Variants in SPTLC3 observed in about 807,000 individuals in gnomAD.
SPTLC3 encodes serine palmitoyltransferase 3.
A neutral mutation model predicts 59.3 loss-of-function variants in SPTLC3; 36 were observed. The observed-to-expected ratio is 0.61, with a 90% confidence interval of 0.47 to 0.80. The LOEUF (loss-of-function observed/expected upper bound fraction) is 0.80. SPTLC3 is among the 30% of genes least tolerant of loss of function. The probability of loss-of-function intolerance (pLI) is 0.00; values close to 1 mark genes in which losing one functional copy is unlikely to be tolerated. For synonymous variants in SPTLC3, 257 were observed against 240.8 expected (o/e 1.07, Z -0.62); for missense variants, 625 against 685.1 (o/e 0.91, Z 0.98).
At chr20:13,091,313 G>A (rs964643994) in intron 5 of SPTLC3, 106 bp downstream of exon 5, 27 of 1,414,162 alleles carry the variant, frequency 1.9e-5, no homozygotes, top group African/African-American at 5.7e-5. Context: ...GGTGGTTCAC[G>A]CCTGTAATCC....
chr20:13,084,776 G>A (rs1988953013), intron 4 of SPTLC3, among the ~76,000 whole-genome samples: 1 of 152,140 alleles, frequency 6.6e-6, no homozygotes, highest in African/African-American at 2.4e-5. Context: ...GAGGATTAGA[G>A]AGGATATAGA....
chr20:13,135,572 CACTT>C (rs778799299), intron 9 of SPTLC3, among the ~76,000 whole-genome samples: 28 of 152,310 alleles, frequency 1.8e-4, no homozygotes, highest in Non-Finnish European at 3.2e-4. Flanking sequence ...TCTTACCAAG[CACTT>C]ACTTTGCCTA....
chr20:13,015,464 G>T (rs1320907016), intron 1 of SPTLC3, among the ~76,000 whole-genome samples: 1 of 152,122 alleles, frequency 6.6e-6, no homozygotes, highest in Non-Finnish European at 1.5e-5. Flanking sequence ...AATTGGAAGG[G>T]AGTATGAAAA....
intron 1 of SPTLC3, among the ~76,000 whole-genome samples, chr20:13,029,777 T>A (rs1600215827): frequency 1.3e-5 from 2 of 152,294 alleles, no homozygotes; most frequent in South Asian, 4.1e-4. Flanking sequence ...ACATTCTGTC[T>A]TCAAAGGAAA....
At chr20:13,083,683 C>CT (rs35776666) in intron 4 of SPTLC3, among the ~76,000 whole-genome samples, 3 of 151,992 alleles carry the variant, frequency 2.0e-5, no homozygotes, top group Admixed American at 1.3e-4. Context: ...ATTCAAGTTC[C>CT]TTTTTTTTAT....
chr20:13,164,314 A>T (rs2038954509), intron 11 of SPTLC3: 3 of 471,416 alleles, frequency 6.4e-6, no homozygotes. Context: ...ACAGAGGATG[A>T]TGTTAATCAG....
chr20:13,126,563 C>T (rs752356938), intron 8 of SPTLC3, 28 bp from the exon 9 acceptor site: 13 of 1,611,758 alleles, frequency 8.1e-6, no homozygotes, highest in Non-Finnish European at 1.1e-5. Context: ...TATTTGCCTT[C>T]TTTTTGGGTT....
At position 13,009,215 on chromosome 20, in the gene SPTLC3, C is replaced by G; in HGVS notation, c.-53C>G. 6.8e-7 allele frequency: 1 copy of G among 1,461,844 alleles called. No individual in the cohort carries two copies. The highest frequency in any genetic ancestry group is 9.6e-7 in the Non-Finnish European group (1 of 1,044,666). 90.6% of individuals were successfully genotyped at this position (1,461,844 alleles called of 1,614,324 possible). A position where few individuals can be genotyped will look rare whatever the true frequency, so the allele number is the denominator to read the frequency against. ...TCCCCTCGCAGACTGAAAACTAAAG[C>G]CTGCAGAGACCTCTGAAGGAAAACC... On this transcript the variant is annotated 5_prime_UTR_variant, in exon 1 of 12. Coordinates refer to ENST00000399002, the MANE Select transcript of SPTLC3 (RefSeq NM_018327.4).
chr20:13,048,801 C>T (rs1170679468), intron 1 of SPTLC3, 144 bp from the exon 2 acceptor site: 13 of 683,964 alleles, frequency 1.9e-5, no homozygotes, highest in South Asian at 3.2e-5. Context: ...TTTTGATTAC[C>T]CTCTTCAATG....
At chr20:13,071,036 C>T (rs1988416218) in intron 2 of SPTLC3, among the ~76,000 whole-genome samples, 1 of 152,122 alleles carries the variant, frequency 6.6e-6, no homozygotes, top group African/African-American at 2.4e-5. Context: ...CTCCCTCCTA[C>T]TGTAATCCCA....
At chr20:13,154,231 G>T in intron 10 of SPTLC3, 93 bp downstream of exon 10, 1 of 1,500,470 alleles carries the variant, frequency 6.7e-7, no homozygotes, top group South Asian at 1.3e-5. Flanking sequence ...CATCTGGAAT[G>T]GGGTGAGTGA....
intron 1 of SPTLC3, among the ~76,000 whole-genome samples, chr20:13,033,008 T>TA (rs1243886833): frequency 6.6e-6 from 1 of 152,184 alleles, no homozygotes; most frequent in Non-Finnish European, 1.5e-5. Flanking sequence ...GCCTAACACT[T>TA]ACAAAGACAT....
intron 3 of SPTLC3, chr20:13,073,954 T>A: frequency 3.4e-6 from 2 of 590,448 alleles, no homozygotes; most frequent in Admixed American, 1.9e-5. Context: ...GGCACCTGAG[T>A]GGATGTTACC....
At chr20:13,137,863 C>G (rs549715809) in intron 9 of SPTLC3, among the ~76,000 whole-genome samples, 5 of 152,274 alleles carry the variant, frequency 3.3e-5, no homozygotes, top group African/African-American at 1.2e-4. Flanking sequence ...CTTCACCACA[C>G]AGACCTTCCT....
intron 9 of SPTLC3, among the ~76,000 whole-genome samples, chr20:13,147,343 G>C (rs2038537423): frequency 6.6e-6 from 1 of 152,182 alleles, no homozygotes; most frequent in African/African-American, 2.4e-5. Flanking sequence ...GTGCTAATGT[G>C]ATTCTTATGA....
chr20:13,097,730 A>C (rs1282692558), intron 6 of SPTLC3, among the ~76,000 whole-genome samples: 1 of 152,134 alleles, frequency 6.6e-6, no homozygotes, highest in Non-Finnish European at 1.5e-5. Flanking sequence ...ACAACCCCAA[A>C]TTAGGAATGT....
At chr20:13,014,824 C>G (rs1421809224) in intron 1 of SPTLC3, among the ~76,000 whole-genome samples, 1 of 151,776 alleles carries the variant, frequency 6.6e-6, no homozygotes, top group Non-Finnish European at 1.5e-5. Flanking sequence ...TCAACCAATT[C>G]CGGTCCATAA....
intron 2 of SPTLC3, among the ~76,000 whole-genome samples, chr20:13,054,657 A>G (rs1280975897): frequency 2.6e-5 from 4 of 152,224 alleles, no homozygotes; most frequent in Non-Finnish European, 4.4e-5. Context: ...GAGATGGGTA[A>G]TAGAGAAGCA....
intron 6 of SPTLC3, among the ~76,000 whole-genome samples, chr20:13,108,128 T>G (rs1337825148): frequency 2.6e-5 from 4 of 152,176 alleles, no homozygotes; most frequent in Non-Finnish European, 4.4e-5. Context: ...GGTGCCATGC[T>G]AACAGGGGCC....
Sources: allele counts gnomAD v4.1 joint callset (sites outside exome capture counted in the v4.1 genomes callset), GRCh38; gene constraint gnomAD v4.1.1; transcripts MANE v1.5; gene names NCBI Gene and HGNC (gene_info 2026-07-23, HGNC 2026-07-21).